Variants in DIS3 observed in about 807,000 individuals in gnomAD.
The protein encoded by DIS3 is exosome complex exonuclease RRP44.
Under a neutral mutation model 113.0 loss-of-function variants are expected in DIS3, and 103 were observed. The observed-to-expected ratio is 0.91, with a 90% confidence interval of 0.78 to 1.07. The LOEUF is 1.07. DIS3 is among the 50% of genes least tolerant of loss of function. DIS3 has a pLI of 0.00. For missense variants in DIS3, 1,121 were observed against 1,167.1 expected, an observed-to-expected ratio of 0.96 and a Z score of 0.58; for synonymous variants, 402 against 394.3, an observed-to-expected ratio of 1.02 and a Z score of -0.23.
intron 5 of DIS3, among the ~76,000 whole-genome samples, chr13:72,775,711 T>A (rs1179646762): frequency 3.3e-5 from 5 of 152,024 alleles, no homozygotes; most frequent in African/African-American, 1.2e-4. Flanking sequence ...TTTTATAGGT[T>A]GGGTTGAATA....
At chr13:72,776,229 G>T in intron 4 of DIS3, 137 bp from the exon 5 acceptor site, 1 of 791,846 alleles carries the variant, frequency 1.3e-6, no homozygotes, top group Non-Finnish European at 1.8e-6. Flanking sequence ...AGATAGCAGT[G>T]TTTCTTATAG....
intron 2 of DIS3, among the ~76,000 whole-genome samples, chr13:72,780,591 A>C (rs908572216): frequency 2.6e-5 from 4 of 152,144 alleles, no homozygotes; most frequent in African/African-American, 7.2e-5. Context: ...TCAAAATGAA[A>C]ACATTTTGGA....
rs1465713060 is a variant in DIS3 at position 72,759,256 on chromosome 13, G to A, written c.*539C>T. On this transcript the variant is annotated 3_prime_UTR_variant, in exon 21 of 21. Coordinates refer to ENST00000377767, the MANE Select transcript of DIS3 (RefSeq NM_014953.5). ...TTCCCAAACATTCACAGTTTTTCAA[G>A]GACCACTAATAAAATACAGGAAGCT... The A allele has an allele frequency of 5.0e-6, 1 of 201,358 alleles. No individual in the cohort carries two copies. The highest frequency in any genetic ancestry group is 2.3e-5 in the African/African-American group (1 of 43,550). 12.5% of individuals were successfully genotyped at this position (201,358 alleles called of 1,614,324 possible).
chr13:72,758,315 A>G lies in DIS3; in HGVS notation c.*1480T>C, dbSNP rs2033543669. On this transcript the variant is annotated 3_prime_UTR_variant, in exon 21 of 21. Coordinates refer to ENST00000377767, the MANE Select transcript of DIS3 (RefSeq NM_014953.5). The stretch of plus-strand genomic sequence containing the variant: ...ACATCATGATTTTCACACAATGATG[A>G]AATTGCCAAGTGACATGTCTCAGAA... 5.5e-6 allele frequency: 1 copy of G among 182,454 alleles called. No individual in the cohort carries two copies. Among genetic ancestry groups the G allele is most frequent in the Non-Finnish European group, 1.2e-5 (1 of 85,630 alleles). 11.3% of individuals were successfully genotyped at this position (182,454 alleles called of 1,614,324 possible). A position where few individuals can be genotyped will look rare whatever the true frequency, so the allele number is the denominator to read the frequency against.
At position 72,772,039 on chromosome 13, in the gene DIS3, G is replaced by C. The variant is rs1351782273; in HGVS notation, c.1503+120C>G. Reference sequence around the variant, plus strand: ...TTCAACTTCTGACATATGGCCAATAGCGTGCAGCTACAATTATACTTCACA... The same window carrying C: ...TTCAACTTCTGACATATGGCCAATACCGTGCAGCTACAATTATACTTCACA... On this transcript the variant is annotated intron_variant, in intron 10 of 20. Coordinates refer to ENST00000377767, the MANE Select transcript of DIS3 (RefSeq NM_014953.5). 2.5e-6 allele frequency: 3 copies of C among 1,186,166 alleles called. No individual in the cohort carries two copies. In the African/African-American group the frequency reaches 4.6e-5, roughly 18 times the overall value. 73.5% of individuals were successfully genotyped at this position (1,186,166 alleles called of 1,614,324 possible). A position where few individuals can be genotyped will look rare whatever the true frequency, so the allele number is the denominator to read the frequency against.
At position 72,759,816 on chromosome 13, in the gene DIS3, CT is replaced by C. The variant is rs1463327521; in HGVS notation, c.2855del (p.Lys952ArgfsTer3). 9 of 1,612,728 alleles carry C rather than the reference CT, an allele frequency of 5.6e-6. No homozygotes were observed. Among genetic ancestry groups the C allele is most frequent in the Non-Finnish European group, 7.6e-6 (9 of 1,179,404 alleles). ...SNMDLNGPKK[K>X]KMKLGK ...ATAGCTATTTTCCAAGCTTCATCTTCTTTTTCTTTGGTCCATTAAGGTCCAT... is the reference window on the plus strand; with the variant it reads ...ATAGCTATTTTCCAAGCTTCATCTTCTTTTCTTTGGTCCATTAAGGTCCAT... On this transcript the variant is annotated frameshift_variant, in exon 21 of 21. Coordinates refer to ENST00000377767, the MANE Select transcript of DIS3 (RefSeq NM_014953.5). LOFTEE classifies it high-confidence loss of function.
At chr13:72,779,747 A>AGTGGTGGTG (rs1164924305) in intron 2 of DIS3, among the ~76,000 whole-genome samples, 2 of 101,570 alleles carry the variant, frequency 2.0e-5, no homozygotes, top group Admixed American at 2.9e-4. Context: ...ATTACAACTG[A>AGTGGTGGTG]GTGGTGGTGG....
rs1478266681 is a variant in DIS3 at position 72,757,175 on chromosome 13, C to T, written c.*2620G>A. The T allele has an allele frequency of 6.6e-6, 1 of 152,014 alleles. No homozygotes were observed. Among genetic ancestry groups the T allele is most frequent in the Non-Finnish European group, 1.5e-5 (1 of 68,036 alleles). 9.4% of individuals were successfully genotyped at this position (152,014 alleles called of 1,614,324 possible). The stretch of plus-strand genomic sequence containing the variant: ...AGAAAATAAACTTGGAAAGAAAAAA[C>T]CTAAGGCCAGTCATGCACTGCCCTA... On this transcript the variant is annotated 3_prime_UTR_variant, in exon 21 of 21. Coordinates refer to ENST00000377767, the MANE Select transcript of DIS3 (RefSeq NM_014953.5).
chr13:72,771,715 ATT>A, intron 11 of DIS3, 78 bp downstream of exon 11: 11 of 1,379,692 alleles, frequency 8.0e-6, no homozygotes, highest in Non-Finnish European at 1.1e-5. Context: ...TATTCCATGT[ATT>A]TTTCTTAGCT....
rs2033316163 is a variant in DIS3, at chr13:72,752,905, C to G, written c.*6890G>C. 1 of 152,134 alleles carries G rather than the reference C, an allele frequency of 6.6e-6. No homozygotes were observed. Among genetic ancestry groups the G allele is most frequent in the African/African-American group, 2.4e-5 (1 of 41,428 alleles). The allele number at this position is 152,134 out of a possible 1,614,324, so 9.4% of individuals were successfully genotyped here. A position where few individuals can be genotyped will look rare whatever the true frequency, so the allele number is the denominator to read the frequency against. On this transcript the variant is annotated 3_prime_UTR_variant, in exon 21 of 21. Coordinates refer to ENST00000377767, the MANE Select transcript of DIS3 (RefSeq NM_014953.5). ...TGCAAAATGATTCCCTTGTGGATTG[C>G]TTTCTTTGGTGCTCAGCATTATACA... is the stretch of plus-strand genomic sequence containing the variant.
chr13:72,771,195 T>TGTATGG, intron 11 of DIS3, 50 bp from the exon 12 acceptor site: 2 of 1,431,530 alleles, frequency 1.4e-6, no homozygotes, highest in Non-Finnish European at 1.9e-6. Flanking sequence ...TAACCATACA[T>TGTATGG]TTATGTGAGG....
intron 2 of DIS3, among the ~76,000 whole-genome samples, chr13:72,780,053 C>G (rs1299043718): frequency 6.6e-6 from 1 of 152,040 alleles, no homozygotes. Flanking sequence ...CCTGGCCAGG[C>G]ACGGTAGCTC....
chr13:72,766,025 G>T lies in DIS3; in HGVS notation c.1917C>A (p.Phe639Leu). ...GATCGTGAGTTTCACTGTCCATGTG[G>T]AATCGAACTTCAGGAGAGGATAGAG... ...ALTLSSPEVR[F>L]HMDSETHDPI... Residue 639 changes from phenylalanine to leucine, a missense_variant, in exon 15 of 21, where the codon TTC becomes TTA. Physicochemically the swap from Phe to Leu is conservative, Grantham distance 22. Around this residue, in one of 3 missense-constraint regions of DIS3, gnomAD observed 861 missense variants for 915.5 expected, o/e 0.94. Coordinates refer to ENST00000377767, the MANE Select transcript of DIS3 (RefSeq NM_014953.5). 6.2e-7 allele frequency: 1 copy of T among 1,611,544 alleles called. No homozygotes were observed. Among genetic ancestry groups the T allele is most frequent in the Non-Finnish European group, 8.5e-7 (1 of 1,178,652 alleles).
At position 72,760,636 on chromosome 13, in the gene DIS3, T is replaced by C. The variant is rs2033600454; in HGVS notation, c.2686A>G (p.Ile896Val). The C allele has an allele frequency of 6.2e-7, 1 of 1,612,628 alleles. No homozygotes were observed. Among genetic ancestry groups the C allele is most frequent in the Non-Finnish European group, 8.5e-7 (1 of 1,179,202 alleles). The change falls in exon 20 of 21, where the codon ATA becomes GTA. Residue 896 changes from isoleucine (I) to valine (V), a missense_variant. This residue lies in a region of DIS3 where 861 missense variants were observed against 915.5 expected (regional missense o/e 0.94). Coordinates refer to ENST00000377767, the MANE Select transcript of DIS3 (RefSeq NM_014953.5). ...IYDDEIPSLK[I>V]EDTVFHVFDK... ...AATACATGGAACACTGTATCTTCTA[T>C]TTTAAGTGAGGGTATCTAAACAAAA...
intron 18 of DIS3, 58 bp downstream of exon 18, chr13:72,761,588 T>G (rs1159930768): frequency 6.5e-7 from 1 of 1,529,296 alleles, no homozygotes; most frequent in Non-Finnish European, 8.8e-7. Flanking sequence ...AAATTGAAAT[T>G]AAATTAAAAA....
In DIS3 at chr13:72,752,599, C is replaced by A. The variant is rs1361282352; in HGVS notation, c.*7196G>T. 1 of 152,198 alleles carries A rather than the reference C, an allele frequency of 6.6e-6. No homozygotes were observed. Among genetic ancestry groups the A allele is most frequent in the Admixed American group, 6.5e-5 (1 of 15,280 alleles). The allele number at this position is 152,198 out of a possible 1,614,324, so 9.4% of individuals were successfully genotyped here. A position where few individuals can be genotyped will look rare whatever the true frequency, so the allele number is the denominator to read the frequency against. On this transcript the variant is annotated 3_prime_UTR_variant, in exon 21 of 21. Transcript: ENST00000377767. ...GAGCTATTGGCAGAATCTCTGGGAG[C>A]AATCTGACATTTATATTTTTGATCA...
chr13:72,770,791 T>C (rs2033867022), intron 13 of DIS3, 113 bp downstream of exon 13: 1 of 459,154 alleles, frequency 2.2e-6, no homozygotes, highest in Non-Finnish European at 3.7e-6. Context: ...ATATAAATAT[T>C]TTTATATATG....
chr13:72,780,528 TAAGCA>T (rs2034151451), intron 2 of DIS3, among the ~76,000 whole-genome samples: 3 of 152,072 alleles, frequency 2.0e-5, no homozygotes, highest in Non-Finnish European at 4.4e-5. Flanking sequence ...TCCAGGAACT[TAAGCA>T]AATCTCATCT....
At chr13:72,763,749 G>T in intron 15 of DIS3, 142 bp from the exon 16 acceptor site, 1 of 801,634 alleles carries the variant, frequency 1.2e-6, no homozygotes. Context: ...GTGTACATTT[G>T]TATTTTAAAT....
Sources: allele counts gnomAD v4.1 joint callset (sites outside exome capture counted in the v4.1 genomes callset), GRCh38; gene constraint gnomAD v4.1.1; regional missense constraint gnomAD v4.1.1; transcripts MANE v1.5; gene names NCBI Gene and HGNC (gene_info 2026-07-23, HGNC 2026-07-21).